Variants in BIRC6 observed in about 807,000 individuals in gnomAD.
The protein encoded by BIRC6 is baculoviral IAP repeat containing 6.
BIRC6 carries 98 observed loss-of-function variants against 503.3 expected under a neutral mutation model. The observed-to-expected ratio is 0.19, with a 90% CI of 0.17 to 0.23. The LOEUF (loss-of-function observed/expected upper bound fraction) is 0.23, where lower values mean the gene tolerates loss of function less well. BIRC6 is among the 10% of genes least tolerant of loss of function. The pLI, the probability that BIRC6 is intolerant of heterozygous loss-of-function variation, is 1.00. For synonymous variants in BIRC6, 2,240 were observed against 2,078.7 expected, an observed-to-expected ratio of 1.08 and a Z score of -2.11; for missense variants, 5,360 against 5,806.0, an observed-to-expected ratio of 0.92 and a Z score of 2.50.
chr2:32,515,497 A>T lies in BIRC6; in HGVS notation c.11076A>T (p.Glu3692Asp). ...LVAPILRFLT[E>D]VGNSHIMKDW... Reference sequence around the variant, plus strand: ...CTCCTATTCTTAGGTTTTTGACAGAAGTTGGCAATAGCCATATTATGAAAG... The same window carrying T: ...CTCCTATTCTTAGGTTTTTGACAGATGTTGGCAATAGCCATATTATGAAAG... The change falls in exon 55 of 74, where the codon GAA (glutamate) becomes GAT (aspartate). Residue 3692 changes from glutamate to aspartate, a missense_variant. By Grantham distance (45) the Glu-to-Asp change is conservative. Transcript: ENST00000421745. The T allele has an allele frequency of 3.1e-6, 5 of 1,613,898 alleles. No homozygotes were observed. The highest frequency in any genetic ancestry group is 1.6e-4 in the Middle Eastern group (1 of 6,062).
At chr2:32,396,849 G>A (rs1234648416) in intron 6 of BIRC6, among the ~76,000 whole-genome samples, 4 of 151,866 alleles carry the variant, frequency 2.6e-5, no homozygotes, top group African/African-American at 4.8e-5. Flanking sequence ...TCAGCCTCCC[G>A]AGTAGCTGGG....
intron 47 of BIRC6, 94 bp from the exon 48 acceptor site, chr2:32,502,701 C>T: frequency 1.1e-6 from 1 of 934,126 alleles, no homozygotes; most frequent in Non-Finnish European, 1.5e-6. Context: ...TGTCAGTTTA[C>T]AAAAATTAAC....
chr2:32,564,244 T>C (rs1386065324), intron 65 of BIRC6: 1 of 152,248 alleles, frequency 6.6e-6, no homozygotes, highest in Non-Finnish European at 1.5e-5. Context: ...TCTTTTTAAA[T>C]TGGCTTTTTC....
At chr2:32,414,703 G>T (rs2042234769) in intron 9 of BIRC6, 66 bp from the exon 10 acceptor site, 1 of 1,094,428 alleles carries the variant, frequency 9.1e-7, no homozygotes, top group South Asian at 2.2e-5. Flanking sequence ...AATTTTACTT[G>T]TGTATTCATA....
At chr2:32,407,685 A>G (rs1221978739) in intron 9 of BIRC6, among the ~76,000 whole-genome samples, 1 of 152,080 alleles carries the variant, frequency 6.6e-6, no homozygotes, top group Non-Finnish European at 1.5e-5. Context: ...TTTAAATTTT[A>G]TCATCAGATT....
At chr2:32,588,137 T>G (rs1366521343) in intron 66 of BIRC6, among the ~76,000 whole-genome samples, 1 of 152,100 alleles carries the variant, frequency 6.6e-6, no homozygotes, top group African/African-American at 2.4e-5. Context: ...GTGGATCACA[T>G]GAGGTCAGGA....
rs184740470 is a variant in BIRC6, at chr2:32,397,268, C to T, written c.1034+1675C>T. On this transcript the variant is annotated intron_variant, in intron 6 of 73. Coordinates refer to ENST00000421745, the MANE Select transcript of BIRC6 (RefSeq NM_016252.4). ...GGTGGATCACCTGAGGTCAAGAGTT[C>T]AAGACTAGCCTGGCTAACATGGTGA... Among the ~76,000 whole-genome samples, 295 of 151,634 alleles carry T rather than the reference C, an allele frequency of 1.9e-3. 2 individuals are homozygous for T. The highest frequency in any genetic ancestry group is 6.6e-3 in the African/African-American group (275 of 41,378).
rs1003664565 is a variant in BIRC6, at chr2:32,578,294, T to A, written c.13355+2928T>A. Among the ~76,000 whole-genome samples the A allele has an allele frequency of 6.6e-5, 10 of 152,240 alleles. No homozygotes were observed. The South Asian group carries it at 1.2e-3, about 19-fold the overall frequency. On this transcript the variant is annotated intron_variant, in intron 66 of 73. Coordinates refer to ENST00000421745, the MANE Select transcript of BIRC6 (RefSeq NM_016252.4). Reference sequence around the variant, plus strand: ...AATAATCCATTTTTCCCTTACAGTGTATACCCACAGAAAGTGGCCTTAGTT... The same window carrying A: ...AATAATCCATTTTTCCCTTACAGTGAATACCCACAGAAAGTGGCCTTAGTT...
At chr2:32,568,239 G>A (rs1282950946) in intron 65 of BIRC6, among the ~76,000 whole-genome samples, 1 of 144,810 alleles carries the variant, frequency 6.9e-6, no homozygotes, top group East Asian at 2.0e-4. Flanking sequence ...CACTGTAATC[G>A]TAACACGTTA....
At chr2:32,540,085 A>G (rs1417018967) in intron 61 of BIRC6, among the ~76,000 whole-genome samples, 2 of 152,078 alleles carry the variant, frequency 1.3e-5, no homozygotes, top group African/African-American at 4.8e-5. Flanking sequence ...CAGTAGAAGA[A>G]GTGCATGTAT....
At chr2:32,546,383 T>A (rs990363798) in intron 63 of BIRC6, among the ~76,000 whole-genome samples, 1 of 151,872 alleles carries the variant, frequency 6.6e-6, no homozygotes. Flanking sequence ...AGTTCGAGAC[T>A]AGCCTGGCTA....
At chr2:32,437,063 T>C (rs1199842412) in intron 15 of BIRC6, among the ~76,000 whole-genome samples, 1 of 151,698 alleles carries the variant, frequency 6.6e-6, no homozygotes, top group East Asian at 1.9e-4. Context: ...TAATTTTTTA[T>C]TGTATTAGTG....
chr2:32,543,861 A>T (rs2057856697), intron 62 of BIRC6, among the ~76,000 whole-genome samples: 1 of 152,240 alleles, frequency 6.6e-6, no homozygotes, highest in Non-Finnish European at 1.5e-5. Flanking sequence ...CAAGGGATGT[A>T]CATAAACATG....
At chr2:32,604,485 G>A (rs2062293336) in intron 71 of BIRC6, among the ~76,000 whole-genome samples, 1 of 152,082 alleles carries the variant, frequency 6.6e-6, no homozygotes, top group Non-Finnish European at 1.5e-5. Context: ...AAAATAAAGT[G>A]GCATTTATAC....
intron 5 of BIRC6, among the ~76,000 whole-genome samples, chr2:32,393,814 C>T (rs1211117723): frequency 1.3e-5 from 2 of 152,134 alleles, no homozygotes; most frequent in East Asian, 3.8e-4. Context: ...AGCCACTGCG[C>T]CTGGCCTAAT....
At chr2:32,461,314 A>T (rs946345430) in intron 23 of BIRC6, among the ~76,000 whole-genome samples, 2 of 148,474 alleles carry the variant, frequency 1.3e-5, no homozygotes, top group African/African-American at 2.5e-5. Flanking sequence ...AGTAGCTGGG[A>T]TTGGAGGCTT....
chr2:32,473,269 AT>A (rs1166718951), intron 33 of BIRC6, 30 bp downstream of exon 33: 1 of 1,487,468 alleles, frequency 6.7e-7, no homozygotes, highest in Non-Finnish European at 9.0e-7. Context: ...AAAATTTTTA[AT>A]GTTTGAGAAT....
Position 32,374,617 on chromosome 2 carries a change from C to T in BIRC6, c.326-2971C>T, listed in dbSNP as rs533244326. Among the ~76,000 whole-genome samples, 268 of 151,892 alleles carry T rather than the reference C, an allele frequency of 1.8e-3. 1 individual carries two copies. The South Asian group carries it at 0.024, about 13-fold the overall frequency. Reference sequence around the variant, plus strand: ...CCTCCCGAGTAGCTGGGACTACAGGCGCCCGCCACCACGCCCGGCTAATTT... The same window carrying T: ...CCTCCCGAGTAGCTGGGACTACAGGTGCCCGCCACCACGCCCGGCTAATTT... On this transcript the variant is annotated intron_variant, in intron 1 of 73. Coordinates refer to ENST00000421745, the MANE Select transcript of BIRC6 (RefSeq NM_016252.4).
intron 66 of BIRC6, among the ~76,000 whole-genome samples, chr2:32,585,505 G>T (rs549262325): frequency 6.6e-6 from 1 of 151,712 alleles, no homozygotes; most frequent in Admixed American, 6.6e-5. Flanking sequence ...TCAGCCTCCT[G>T]AGTAGCTGGG....
Sources: allele counts gnomAD v4.1 joint callset (sites outside exome capture counted in the v4.1 genomes callset), GRCh38; gene constraint gnomAD v4.1.1; transcripts MANE v1.5; gene names NCBI Gene and HGNC (gene_info 2026-07-23, HGNC 2026-07-21).